Variants in ELMO1 observed in about 807,000 individuals in gnomAD.
ELMO1 encodes engulfment and cell motility 1.
Under a neutral mutation model 98.9 loss-of-function variants are expected in ELMO1, and 26 were observed. The ratio of observed to expected loss-of-function variants is 0.26; its 90% CI spans 0.19 to 0.36. The LOEUF is 0.36. Among genes scored for constraint, ELMO1 ranks in the 10% least tolerant of loss-of-function variants. The pLI is 1.00. For missense variants in ELMO1, 627 were observed against 935.2 expected, an observed-to-expected ratio of 0.67 and a Z score of 4.30; for synonymous variants, 346 against 346.0, an observed-to-expected ratio of 1.00 and a Z score of 0.00.
At chr7:36,927,873 G>T (rs1785708095) in intron 16 of ELMO1, among the ~76,000 whole-genome samples, 1 of 152,104 alleles carries the variant, frequency 6.6e-6, no homozygotes, top group Admixed American at 6.6e-5. Flanking sequence ...TACAGTAATG[G>T]GCTCAAGGGG....
intron 15 of ELMO1, among the ~76,000 whole-genome samples, chr7:37,064,401 A>G (rs906478817): frequency 6.6e-6 from 1 of 152,128 alleles, no homozygotes; most frequent in Non-Finnish European, 1.5e-5. Flanking sequence ...GGGACTATGT[A>G]TGAGGGCTGG....
intron 14 of ELMO1, among the ~76,000 whole-genome samples, chr7:37,123,885 T>C (rs562072289): frequency 1.1e-4 from 16 of 152,168 alleles, no homozygotes; most frequent in Admixed American, 7.2e-4. Flanking sequence ...GCAAAAATCC[T>C]CAGTAAAATA....
chr7:37,131,136 T>C (rs974785610), intron 14 of ELMO1, among the ~76,000 whole-genome samples: 1 of 151,984 alleles, frequency 6.6e-6, no homozygotes, highest in African/African-American at 2.4e-5. Context: ...TTATATATGC[T>C]CTACTAACCC....
intron 15 of ELMO1, among the ~76,000 whole-genome samples, chr7:37,079,755 C>T (rs1797766287): frequency 6.6e-6 from 1 of 152,144 alleles, no homozygotes; most frequent in Non-Finnish European, 1.5e-5. Flanking sequence ...CTTCCTATGC[C>T]CCTGGGAGCC....
chr7:37,096,492 A>T, intron 15 of ELMO1, 127 bp downstream of exon 15: 2 of 712,850 alleles, frequency 2.8e-6, no homozygotes, highest in Non-Finnish European at 4.8e-6. Flanking sequence ...ATAATAATCA[A>T]CCTATCCACA....
chr7:37,201,499 C>T (rs1386755133), intron 13 of ELMO1, among the ~76,000 whole-genome samples: 2 of 152,152 alleles, frequency 1.3e-5, no homozygotes, highest in Non-Finnish European at 2.9e-5. Flanking sequence ...GGGAAAAAGC[C>T]CATCTGCCAT....
chr7:37,187,121 A>G (rs1791253120), intron 13 of ELMO1, among the ~76,000 whole-genome samples: 1 of 152,246 alleles, frequency 6.6e-6, no homozygotes, highest in African/African-American at 2.4e-5. Context: ...GAATAAAATC[A>G]GACAATAAGA....
intron 16 of ELMO1, among the ~76,000 whole-genome samples, chr7:36,934,425 C>G (rs918463154): frequency 1.3e-5 from 2 of 152,214 alleles, no homozygotes; most frequent in South Asian, 4.1e-4. Flanking sequence ...AGTCCCCTCT[C>G]CCGGCACATA....
chr7:36,926,405 G>A (rs540726479), intron 16 of ELMO1, among the ~76,000 whole-genome samples: 2 of 152,308 alleles, frequency 1.3e-5, no homozygotes, highest in African/African-American at 4.8e-5. Flanking sequence ...TTTAAACCTA[G>A]GTGGGCATTT....
intron 16 of ELMO1, among the ~76,000 whole-genome samples, chr7:36,970,484 C>A (rs979328827): frequency 6.6e-6 from 1 of 152,202 alleles, no homozygotes; most frequent in Non-Finnish European, 1.5e-5. Context: ...AGGCTTCCCA[C>A]TCTGTGGTTA....
rs545915090 is a variant in ELMO1 at position 37,140,773 on chromosome 7, C to T, written c.1087-7539G>A. Among the ~76,000 whole-genome samples the T allele has an allele frequency of 7.8e-3, 350 of 44,600 alleles. 1 individual carries two copies. Among genetic ancestry groups the T allele is most frequent in the African/African-American group, 0.016 (328 of 20,988 alleles). 29.3% of individuals were successfully genotyped at this position (44,600 alleles called of 152,430 possible). Reference sequence around the variant, plus strand: ...GATACACAAATGGACAACAAGCATACGGAAAAAATGCTCAACATCAGTAAT... The same window carrying T: ...GATACACAAATGGACAACAAGCATATGGAAAAAATGCTCAACATCAGTAAT... On this transcript the variant is annotated intron_variant, in intron 13 of 21. Coordinates refer to ENST00000310758, the MANE Select transcript of ELMO1 (RefSeq NM_014800.11).
At chr7:37,054,485 T>G (rs1458737106) in intron 15 of ELMO1, among the ~76,000 whole-genome samples, 1 of 152,174 alleles carries the variant, frequency 6.6e-6, no homozygotes, top group Admixed American at 6.5e-5. Flanking sequence ...GTGTGTTATC[T>G]ATCATAAAGA....
At chr7:37,007,658 A>G (rs1245962176) in intron 16 of ELMO1, among the ~76,000 whole-genome samples, 3 of 152,226 alleles carry the variant, frequency 2.0e-5, no homozygotes, top group Non-Finnish European at 4.4e-5. Context: ...AGTAAGCTGC[A>G]AACAGTTTGA....
chr7:37,433,956 A>G (rs1333455654), intron 1 of ELMO1, among the ~76,000 whole-genome samples: 2 of 152,178 alleles, frequency 1.3e-5, no homozygotes, highest in Non-Finnish European at 2.9e-5. Context: ...GGACTTATGG[A>G]ACAAGATTTT....
intron 16 of ELMO1, among the ~76,000 whole-genome samples, chr7:36,958,549 A>G (rs1788656725): frequency 6.6e-6 from 1 of 152,176 alleles, no homozygotes. Flanking sequence ...CTGTAATCAG[A>G]CGGTGAATCA....
chr7:37,171,481 C>CTTTTTTTTT (rs71553100), intron 13 of ELMO1, among the ~76,000 whole-genome samples: 969 of 44,116 alleles, frequency 0.022, 67 homozygotes, highest in Non-Finnish European at 0.032. Context: ...CCAGGCCTTT[C>CTTTTTTTTT]TATTTTTTTT....
intron 16 of ELMO1, among the ~76,000 whole-genome samples, chr7:36,924,870 G>GT (rs1435726521): frequency 2.0e-5 from 3 of 152,188 alleles, no homozygotes; most frequent in Admixed American, 2.0e-4. Context: ...GGGAAAGGTT[G>GT]TGTTTTCTGC....
At chr7:37,158,031 C>A (rs1240199285) in intron 13 of ELMO1, among the ~76,000 whole-genome samples, 1 of 152,036 alleles carries the variant, frequency 6.6e-6, no homozygotes, top group Non-Finnish European at 1.5e-5. Context: ...CTTTGACAAA[C>A]CTGACAAAAA....
At chr7:37,127,309 T>C (rs1259444574) in intron 14 of ELMO1, among the ~76,000 whole-genome samples, 2 of 152,262 alleles carry the variant, frequency 1.3e-5, no homozygotes, top group South Asian at 2.1e-4. Flanking sequence ...GACGACTTGT[T>C]TGATAGTCCT....
Sources: gnomAD v4.1 joint callset for allele counts (sites outside exome capture counted in the v4.1 genomes callset) on GRCh38, gnomAD v4.1.1 for gene constraint, MANE v1.5 for transcripts, NCBI Gene and HGNC (gene_info 2026-07-23, HGNC 2026-07-21) for gene names.